The following DNAI7 variants were observed in gnomAD, a reference collection of about 807,000 sequenced individuals.
DNAI7 encodes dynein axonemal intermediate chain 7, also known as cancer susceptibility 1.
Under a neutral mutation model 86.6 loss-of-function variants are expected in DNAI7, and 78 were observed. That is an observed-to-expected ratio of 0.90 (90% CI 0.75 to 1.09). The LOEUF is 1.09. Ranked by LOEUF, DNAI7 falls within the 50% of genes least tolerant of loss-of-function variation. The pLI is 0.00. For missense variants in DNAI7, 753 were observed against 810.2 expected, an observed-to-expected ratio of 0.93 and a Z score of 0.86; for synonymous variants, 274 against 273.0, an observed-to-expected ratio of 1.00 and a Z score of -0.04.
rs184891151 is a variant in DNAI7 at position 25,186,378 on chromosome 12, G to A, written c.21+4236C>T. On this transcript the variant is annotated intron_variant, in intron 2 of 15. Coordinates refer to ENST00000395987, the MANE Select transcript of DNAI7 (RefSeq NM_018272.5). Reference sequence around the variant, plus strand: ...AAAAATTAATTACATTATCTTTGTAGTCTGGTACCAAAACATTATTATCAA... The same window carrying A: ...AAAAATTAATTACATTATCTTTGTAATCTGGTACCAAAACATTATTATCAA... Among the ~76,000 whole-genome samples, 95 of 152,158 alleles carry A rather than the reference G, an allele frequency of 6.2e-4. No homozygotes were observed. In the East Asian group the frequency reaches 7.1e-3, roughly 11 times the overall value.
chr12:25,113,231 T>A (rs10842469), intron 13 of DNAI7, among the ~76,000 whole-genome samples: 3 of 152,010 alleles, frequency 2.0e-5, no homozygotes, highest in East Asian at 3.9e-4. Flanking sequence ...TGCACACTAA[T>A]AATTCTACGG....
intron 9 of DNAI7, among the ~76,000 whole-genome samples, chr12:25,137,027 C>G (rs1433038189): frequency 6.6e-6 from 1 of 151,992 alleles, no homozygotes; most frequent in Non-Finnish European, 1.5e-5. Context: ...TGGTTTTTGC[C>G]AGAAATCTAG....
chr12:25,130,121 G>A (rs970765302), intron 9 of DNAI7, among the ~76,000 whole-genome samples: 7 of 152,112 alleles, frequency 4.6e-5, no homozygotes, highest in African/African-American at 1.7e-4. Flanking sequence ...AGAAGATATG[G>A]TAACTGTTAC....
chr12:25,163,838 T>G (rs1048631068), intron 2 of DNAI7, among the ~76,000 whole-genome samples: 61 of 152,224 alleles, frequency 4.0e-4, no homozygotes, highest in African/African-American at 1.4e-3. Flanking sequence ...CTCCTTTCAA[T>G]CTTGGTGCCA....
rs766941676 is a variant in DNAI7 at position 25,123,297 on chromosome 12, C to A, written c.1003-11G>T. 1.9e-6 allele frequency: 3 copies of A among 1,588,166 alleles called. No individual in the cohort carries two copies. The Admixed American group carries it at 5.2e-5, about 28-fold the overall frequency. Reference sequence around the variant, plus strand: ...TTCCTCAGCAGAACTCTATAAAAAACCACAGACATATGGGTGTGATTGTCA... The same window carrying A: ...TTCCTCAGCAGAACTCTATAAAAAAACACAGACATATGGGTGTGATTGTCA... On this transcript the variant is annotated splice_polypyrimidine_tract_variant and intron_variant, in intron 9 of 15. Transcript: ENST00000395987.
chr12:25,122,452 A>G (rs1012758945), intron 10 of DNAI7, among the ~76,000 whole-genome samples: 2 of 145,328 alleles, frequency 1.4e-5, no homozygotes, highest in African/African-American at 5.5e-5. Context: ...TCATCTCAAA[A>G]AAAAAAAAAA....
chr12:25,124,371 T>C (rs1371481537), intron 9 of DNAI7, among the ~76,000 whole-genome samples: 1 of 151,978 alleles, frequency 6.6e-6, no homozygotes, highest in Non-Finnish European at 1.5e-5. Context: ...AAAAAAAAAT[T>C]ACAGAGCTCC....
In DNAI7 at chr12:25,121,823, C is replaced by T; in HGVS notation, c.1169G>A (p.Gly390Glu). Residue 390 changes from glycine to glutamate, a missense_variant, in exon 11 of 16, where the codon GGA becomes GAA. Coordinates refer to ENST00000395987, the MANE Select transcript of DNAI7 (RefSeq NM_018272.5). ...VDLCQFTTLG[G>E]VYHLDILELP... is the part of the protein sequence containing the mutation. ...CTCCAAAATATCCAAGTGGTATACT[C>T]CACCCAGAGTTGTGAACTGGCATAA... 1 of 1,606,954 alleles carries T rather than the reference C, an allele frequency of 6.2e-7. No individual in the cohort carries two copies. Among genetic ancestry groups the T allele is most frequent in the South Asian group, 1.1e-5 (1 of 89,144 alleles).
chr12:25,182,487 C>T (rs1390264130), intron 2 of DNAI7, among the ~76,000 whole-genome samples: 2 of 151,936 alleles, frequency 1.3e-5, no homozygotes, highest in Non-Finnish European at 2.9e-5. Context: ...TAGCACACAC[C>T]TATAGTCCCA....
chr12:25,181,484 C>G (rs759078147), intron 2 of DNAI7, among the ~76,000 whole-genome samples: 1 of 151,998 alleles, frequency 6.6e-6, no homozygotes, highest in Non-Finnish European at 1.5e-5. Context: ...TTGGCCTAGG[C>G]AAATAATTTA....
chr12:25,123,748 G>A (rs989809026), intron 9 of DNAI7, among the ~76,000 whole-genome samples: 1 of 152,126 alleles, frequency 6.6e-6, no homozygotes, highest in African/African-American at 2.4e-5. Flanking sequence ...CTCTAGTGCA[G>A]TAAAAATAAT....
In DNAI7 at chr12:25,119,222, G is replaced by A; in HGVS notation, c.1319C>T (p.Pro440Leu). 1.9e-6 allele frequency: 3 copies of A among 1,612,334 alleles called. No homozygotes were observed. The highest frequency in any genetic ancestry group is 2.5e-6 in the Non-Finnish European group (3 of 1,178,690). ...EEFETENAFP[P>L]IEVTLEVHEN... ...ATGAACCTCAAGTGTGACCTCTATA[G>A]GTGGGAAAGCATTTTCTGTCTCAAA... The change falls in exon 12 of 16, where the codon CCT becomes CTT. Residue 440 changes from proline (P) to leucine (L), a missense_variant. Pro to Leu is a moderately conservative substitution (Grantham distance 98). Coordinates refer to ENST00000395987, the MANE Select transcript of DNAI7 (RefSeq NM_018272.5).
chr12:25,138,026 A>G (rs765793454), intron 9 of DNAI7, among the ~76,000 whole-genome samples: 1 of 152,132 alleles, frequency 6.6e-6, no homozygotes, highest in African/African-American at 2.4e-5. Context: ...AAACAAAACT[A>G]TACCCTAGAA....
rs1424563086 is a variant in DNAI7 at position 25,181,254 on chromosome 12, ATGCATGCCAC to A, written c.21+9350_21+9359del. 3.3e-5 allele frequency among the ~76,000 whole-genome samples: 5 copies of A among 152,094 alleles called. No individual in the cohort carries two copies. In the East Asian group the frequency reaches 9.6e-4, roughly 29 times the overall value. ...GCCTCAGGAGTAGCTAGAATTACAG[ATGCATGCCAC>A]TGCATCTGGCTAATTTTTTATTTTC... On this transcript the variant is annotated intron_variant, in intron 2 of 15. Coordinates refer to ENST00000395987, the MANE Select transcript of DNAI7 (RefSeq NM_018272.5).
chr12:25,174,668 AATAT>A (rs1163251843), intron 2 of DNAI7, among the ~76,000 whole-genome samples: 1 of 120,302 alleles, frequency 8.3e-6, no homozygotes, highest in Non-Finnish European at 1.7e-5. Context: ...ATATATATGG[AATAT>A]ATATATCATA....
At chr12:25,132,253 T>C (rs1314843469) in intron 9 of DNAI7, among the ~76,000 whole-genome samples, 2 of 152,062 alleles carry the variant, frequency 1.3e-5, no homozygotes, top group Non-Finnish European at 2.9e-5. Context: ...TCACTGATAA[T>C]ATACCACCAT....
At chr12:25,183,270 A>G (rs956265454) in intron 2 of DNAI7, among the ~76,000 whole-genome samples, 1 of 151,930 alleles carries the variant, frequency 6.6e-6, no homozygotes, top group African/African-American at 2.4e-5. Flanking sequence ...AAAACTACGT[A>G]TTGGGACTAA....
chr12:25,114,994 A>C (rs1028711169), intron 12 of DNAI7, 124 bp from the exon 13 acceptor site: 28 of 719,002 alleles, frequency 3.9e-5, no homozygotes, highest in Admixed American at 2.3e-4. Context: ...ATAGAAACTC[A>C]AAAGAAGGCC....
intron 2 of DNAI7, among the ~76,000 whole-genome samples, chr12:25,165,261 TAAAGTAGAGGCA>T (rs778854818): frequency 6.6e-6 from 1 of 152,152 alleles, no homozygotes; most frequent in Non-Finnish European, 1.5e-5. Context: ...TGTACAATAA[TAAAGTAGAGGCA>T]GCCAAGTAGC....
Sources: gnomAD v4.1 joint callset for allele counts (sites outside exome capture counted in the v4.1 genomes callset) on GRCh38, gnomAD v4.1.1 for gene constraint, MANE v1.5 for transcripts, NCBI Gene and HGNC (gene_info 2026-07-23, HGNC 2026-07-21) for gene names.